The following CNTNAP2 variants were observed in gnomAD, a reference collection of about 807,000 sequenced individuals.
CNTNAP2 encodes the protein contactin-associated protein-like 2.
CNTNAP2 carries 98 observed loss-of-function variants against 155.2 expected under a neutral mutation model. The observed-to-expected ratio is 0.63, with a 90% confidence interval of 0.54 to 0.75. The LOEUF (loss-of-function observed/expected upper bound fraction) is 0.75, where lower values mean the gene tolerates loss of function less well. CNTNAP2 is among the 30% of genes least tolerant of loss of function. The probability of loss-of-function intolerance (pLI) is 0.00; values close to 1 mark genes in which losing one functional copy is unlikely to be tolerated. For synonymous variants in CNTNAP2, 651 were observed against 631.2 expected, an observed-to-expected ratio of 1.03 and a Z score of -0.47; for missense variants, 1,727 against 1,688.1, an observed-to-expected ratio of 1.02 and a Z score of -0.40.
intron 1 of CNTNAP2, among the ~76,000 whole-genome samples, chr7:146,524,704 T>C (rs751939198): frequency 1.3e-5 from 2 of 152,158 alleles, no homozygotes; most frequent in Non-Finnish European, 2.9e-5. Flanking sequence ...TCTCATGTTA[T>C]TTGAACAATA....
Position 148,259,365 on chromosome 7 carries a change from A to T in CNTNAP2, c.3382-7668A>T, listed in dbSNP as rs1447191921. Among the ~76,000 whole-genome samples, 4 of 151,874 alleles carry T rather than the reference A, an allele frequency of 2.6e-5. No homozygotes were observed. The South Asian group carries it at 6.2e-4, about 24-fold the overall frequency. On this transcript the variant is annotated intron_variant, in intron 20 of 23. Coordinates refer to ENST00000361727, the MANE Select transcript of CNTNAP2 (RefSeq NM_014141.6). ...AATAAGACCCTGCCTCAAAAAAAAA[A>T]AAAAGAAACTCCTTAGTCATACACC...
At chr7:148,336,537 G>A (rs1428710925) in intron 21 of CNTNAP2, among the ~76,000 whole-genome samples, 1 of 77,390 alleles carries the variant, frequency 1.3e-5, no homozygotes. Context: ...CTTCCTGTTT[G>A]GTTGATGAAA....
At chr7:146,396,771 A>G (rs1403430213) in intron 1 of CNTNAP2, among the ~76,000 whole-genome samples, 1 of 151,210 alleles carries the variant, frequency 6.6e-6, no homozygotes, top group Non-Finnish European at 1.5e-5. Flanking sequence ...TTCCTCTTAG[A>G]TCAGTACTAG....
At chr7:146,600,885 G>T (rs999900864) in intron 1 of CNTNAP2, among the ~76,000 whole-genome samples, 1 of 152,006 alleles carries the variant, frequency 6.6e-6, no homozygotes, top group African/African-American at 2.4e-5. Context: ...TGTTATGAGA[G>T]ATATAGTAAT....
chr7:146,738,509 A>C (rs11981752), intron 1 of CNTNAP2, among the ~76,000 whole-genome samples: 4,542 of 151,546 alleles, frequency 0.03, 223 homozygotes, highest in African/African-American at 0.1. Context: ...AGAAGCTTTT[A>C]TGTTTCATGC....
chr7:147,495,941 G>T (rs538085679), intron 11 of CNTNAP2, among the ~76,000 whole-genome samples: 2 of 152,014 alleles, frequency 1.3e-5, no homozygotes, highest in Admixed American at 6.5e-5. Context: ...GTCAGATCAC[G>T]GGCAGCATCA....
At chr7:147,220,302 C>A (rs1337078859) in intron 8 of CNTNAP2, among the ~76,000 whole-genome samples, 3 of 152,110 alleles carry the variant, frequency 2.0e-5, no homozygotes, top group Admixed American at 6.5e-5. Flanking sequence ...CTCTTGCTTT[C>A]TTTTGATTAG....
chr7:148,011,267 A>G (rs910273659), intron 15 of CNTNAP2, among the ~76,000 whole-genome samples: 4 of 145,322 alleles, frequency 2.8e-5, no homozygotes, highest in African/African-American at 8.6e-5. Context: ...ATCACTGTAG[A>G]GTATCCCATC....
intron 11 of CNTNAP2, among the ~76,000 whole-genome samples, chr7:147,496,218 C>T (rs1798705626): frequency 1.3e-5 from 2 of 152,198 alleles, no homozygotes; most frequent in African/African-American, 4.8e-5. Flanking sequence ...CATCCTGAAA[C>T]CATCCCCTAC....
intron 13 of CNTNAP2, among the ~76,000 whole-genome samples, chr7:147,752,755 C>T (rs1166333250): frequency 1.3e-5 from 2 of 152,116 alleles, no homozygotes; most frequent in Non-Finnish European, 2.9e-5. Context: ...TGTTACATTT[C>T]CTGGGATCAA....
chr7:148,230,348 C>T (rs1177247509), intron 20 of CNTNAP2, among the ~76,000 whole-genome samples: 1 of 152,144 alleles, frequency 6.6e-6, no homozygotes, highest in Non-Finnish European at 1.5e-5. Context: ...TTGACGACCC[C>T]GGCCCTCACC....
At chr7:147,671,639 A>G (rs1795788318) in intron 13 of CNTNAP2, 1 of 152,218 alleles carries the variant, frequency 6.6e-6, no homozygotes, top group African/African-American at 2.4e-5. Flanking sequence ...CTAATAGCAC[A>G]TAGAGCATGC....
chr7:148,075,166 G>A (rs575217929), intron 15 of CNTNAP2, among the ~76,000 whole-genome samples: 1 of 152,246 alleles, frequency 6.6e-6, no homozygotes, highest in South Asian at 2.1e-4. Context: ...GTCAGGTGTG[G>A]TGGCTCATGC....
chr7:147,591,135 A>G (rs779858122), intron 12 of CNTNAP2, among the ~76,000 whole-genome samples: 2 of 152,210 alleles, frequency 1.3e-5, no homozygotes, highest in Non-Finnish European at 2.9e-5. Context: ...TTTTACTCCA[A>G]GCATCAATTT....
chr7:148,151,395 T>G (rs1805292912), intron 17 of CNTNAP2, among the ~76,000 whole-genome samples: 1 of 152,128 alleles, frequency 6.6e-6, no homozygotes, highest in African/African-American at 2.4e-5. Context: ...AACCTCTGCC[T>G]CCCAGGTTCA....
intron 1 of CNTNAP2, among the ~76,000 whole-genome samples, chr7:146,658,091 G>A (rs756349884): frequency 2.0e-5 from 3 of 152,110 alleles, no homozygotes; most frequent in South Asian, 2.1e-4. Flanking sequence ...GGAACATTCC[G>A]TGTAAGGGGG....
intron 13 of CNTNAP2, among the ~76,000 whole-genome samples, chr7:147,727,081 T>C (rs2116459224): frequency 6.6e-6 from 1 of 151,988 alleles, no homozygotes; most frequent in African/African-American, 2.4e-5. Flanking sequence ...TTATGTGCAG[T>C]TTTTAGTATA....
chr7:146,945,159 T>G lies in CNTNAP2; in HGVS notation c.403-98748T>G, dbSNP rs558736181. On this transcript the variant is annotated intron_variant, in intron 3 of 23. Transcript: ENST00000361727. ...TTGCAATGGGCATCAGAACTGCATG[T>G]GTAAAAACGATCTTGTCTGTTCTTG... Among the ~76,000 whole-genome samples, 37 of 152,334 alleles carry G rather than the reference T, an allele frequency of 2.4e-4. 1 individual carries two copies. In the South Asian group the frequency reaches 7.5e-3, roughly 31 times the overall value.
At chr7:146,176,399 T>G (rs984498323) in intron 1 of CNTNAP2, among the ~76,000 whole-genome samples, 4 of 152,062 alleles carry the variant, frequency 2.6e-5, no homozygotes, top group African/African-American at 4.8e-5. Flanking sequence ...GGAAGAAAAA[T>G]AATTTAGCTT....
Sources: gnomAD v4.1 joint callset for allele counts (sites outside exome capture counted in the v4.1 genomes callset) on GRCh38, gnomAD v4.1.1 for gene constraint, MANE v1.5 for transcripts, NCBI Gene and HGNC (gene_info 2026-07-23, HGNC 2026-07-21) for gene names.